The following APLF variants were observed in gnomAD, a reference collection of about 807,000 sequenced individuals.
APLF encodes aprataxin and PNK-like factor.
Under a neutral mutation model 55.6 loss-of-function variants are expected in APLF, and 61 were observed. That is an observed-to-expected ratio of 1.10 (90% confidence interval 0.89 to 1.36). APLF has a LOEUF of 1.36. APLF is among the 40% of genes most tolerant of loss of function. The probability of loss-of-function intolerance (pLI) is 0.00; values close to 1 mark genes in which losing one functional copy is unlikely to be tolerated. For synonymous variants in APLF, 207 were observed against 214.8 expected (o/e 0.96, Z 0.32); for missense variants, 611 against 602.5 (o/e 1.01, Z -0.15).
intron 5 of APLF, chr2:68,515,673 C>A: frequency 1.0e-6 from 1 of 982,994 alleles, no homozygotes. Flanking sequence ...TGGAATATCG[C>A]ATGTGTACAA....
chr2:68,545,918 A>T (rs1670690881), intron 8 of APLF, among the ~76,000 whole-genome samples: 1 of 152,186 alleles, frequency 6.6e-6, no homozygotes, highest in Admixed American at 6.5e-5. Flanking sequence ...AGATGAATGA[A>T]CTTGAAATGA....
At chr2:68,565,081 T>A (rs1273731702) in intron 8 of APLF, among the ~76,000 whole-genome samples, 3 of 152,056 alleles carry the variant, frequency 2.0e-5, no homozygotes, top group Non-Finnish European at 4.4e-5. Context: ...CAAATTTCCC[T>A]CATGACAAAA....
rs951420409 is a variant in APLF, at chr2:68,490,870, A to G, written c.168+609A>G. Among the ~76,000 whole-genome samples the G allele has an allele frequency of 3.3e-5, 5 of 152,210 alleles. No individual in the cohort carries two copies. In the East Asian group the frequency reaches 9.6e-4, roughly 29 times the overall value. On this transcript the variant is annotated intron_variant, in intron 2 of 9. Transcript: ENST00000303795. ...AGAGTCTATTGTGTAAGAGAATGAA[A>G]TACGTACATAAGGGTCCATTTATTT...
rs1670445175 is a variant in APLF at position 68,538,058 on chromosome 2, G to T, written c.991G>T (p.Ala331Ser). ...AMSCSENCSSAQGDSLQDESQ... is the reference protein window; with the variant it reads ...AMSCSENCSSSQGDSLQDESQ... ...GAGCTGTTCTGAAAATTGTTCGAGT[G>T]CCCAGGGCGACTCACTTCAGGATGA... is the stretch of plus-strand genomic sequence containing the variant. The change falls in exon 7 of 10, where the codon GCC (alanine) becomes TCC (serine). Residue 331 changes from alanine (A) to serine (S), a missense_variant. Coordinates refer to ENST00000303795, the MANE Select transcript of APLF (RefSeq NM_173545.3). 2 of 1,613,984 alleles carry T rather than the reference G, an allele frequency of 1.2e-6. No homozygotes were observed. The highest frequency in any genetic ancestry group is 1.3e-5 in the African/African-American group (1 of 74,914).
intron 2 of APLF, among the ~76,000 whole-genome samples, chr2:68,497,411 C>T (rs1259302979): frequency 6.6e-6 from 1 of 151,904 alleles, no homozygotes; most frequent in Non-Finnish European, 1.5e-5. Context: ...GTTCTCACGA[C>T]ATCTGGTTGT....
At chr2:68,525,971 A>T in intron 5 of APLF, 90 bp from the exon 6 acceptor site, 1 of 1,304,390 alleles carries the variant, frequency 7.7e-7, no homozygotes, top group Non-Finnish European at 1.0e-6. Flanking sequence ...GCTGGTCTCG[A>T]ATCCTTTTTC....
At chr2:68,472,669 G>T (rs1409822220) in intron 1 of APLF, among the ~76,000 whole-genome samples, 1 of 152,048 alleles carries the variant, frequency 6.6e-6, no homozygotes, top group Non-Finnish European at 1.5e-5. Flanking sequence ...TGGTGTGTTG[G>T]GACAGTTAGA....
chr2:68,525,380 G>C (rs976619357), intron 5 of APLF, among the ~76,000 whole-genome samples: 1 of 151,826 alleles, frequency 6.6e-6, no homozygotes, highest in Admixed American at 6.6e-5. Context: ...AAGTTCATTG[G>C]ATAGCTATAA....
intron 6 of APLF, among the ~76,000 whole-genome samples, chr2:68,537,394 T>C (rs72901973): frequency 0.078 from 11,729 of 150,404 alleles, 1,321 homozygotes; most frequent in African/African-American, 0.25. Flanking sequence ...TGAGATGGAG[T>C]CTTGTTCTTG....
At chr2:68,549,353 G>A (rs1399615060) in intron 8 of APLF, among the ~76,000 whole-genome samples, 1 of 152,134 alleles carries the variant, frequency 6.6e-6, no homozygotes, top group East Asian at 1.9e-4. Context: ...TAAAAATTGT[G>A]AAAGTTGCCT....
intron 8 of APLF, among the ~76,000 whole-genome samples, chr2:68,557,385 G>GTGC (rs1406248541): frequency 6.6e-6 from 1 of 152,152 alleles, no homozygotes; most frequent in Non-Finnish European, 1.5e-5. Context: ...GAATCTGCAG[G>GTGC]TGCTGAATCC....
chr2:68,475,162 A>G (rs1043429131), intron 1 of APLF, among the ~76,000 whole-genome samples: 6 of 152,168 alleles, frequency 3.9e-5, no homozygotes, highest in African/African-American at 1.4e-4. Flanking sequence ...CTTTAAACCC[A>G]CTTTTGTCTT....
At chr2:68,575,456 A>G (rs941619095) in intron 9 of APLF, among the ~76,000 whole-genome samples, 4 of 152,188 alleles carry the variant, frequency 2.6e-5, no homozygotes, top group Admixed American at 6.5e-5. Flanking sequence ...AGAGTGAGAC[A>G]GAAAGCTATT....
In APLF at chr2:68,578,600, T is replaced by G. The variant is rs1671684465; in HGVS notation, c.*578T>G. 1 of 985,232 alleles carries G rather than the reference T, an allele frequency of 1.0e-6. No individual in the cohort carries two copies. The highest frequency in any genetic ancestry group is 1.7e-5 in the African/African-American group (1 of 57,228). 61.0% of individuals were successfully genotyped at this position (985,232 alleles called of 1,614,324 possible). On this transcript the variant is annotated 3_prime_UTR_variant, in exon 10 of 10. Transcript: ENST00000303795. ...AATGGGTACTGAAAATAGATTCAAC[T>G]AGGCTGTAGAAGAGAAATGTTCACC...
chr2:68,561,987 T>TGTAA (rs1296387174), intron 8 of APLF, among the ~76,000 whole-genome samples: 1 of 152,022 alleles, frequency 6.6e-6, no homozygotes, highest in African/African-American at 2.4e-5. Context: ...ATGGAATCCA[T>TGTAA]GTAAGTGTCC....
At chr2:68,567,681 C>T (rs1053612724) in intron 9 of APLF, among the ~76,000 whole-genome samples, 13 of 152,058 alleles carry the variant, frequency 8.5e-5, no homozygotes, top group Non-Finnish European at 1.6e-4. Context: ...TAATTGACTT[C>T]TGTAACTAAA....
rs183491023 is a variant in APLF, at chr2:68,527,940, C to T, written c.804+1698C>T. Among the ~76,000 whole-genome samples the T allele has an allele frequency of 8.9e-5, 13 of 146,316 alleles. No individual in the cohort carries two copies. In the East Asian group the frequency reaches 2.3e-3, roughly 26 times the overall value. Reference sequence around the variant, plus strand: ...GGCACTCCTCACTGCCCAGACGGGGCAGGGCCCGGGCAGAGGCGCCCTTCA... The same window carrying T: ...GGCACTCCTCACTGCCCAGACGGGGTAGGGCCCGGGCAGAGGCGCCCTTCA... On this transcript the variant is annotated intron_variant, in intron 6 of 9. Transcript: ENST00000303795.
chr2:68,510,208 A>G (rs748515563), intron 3 of APLF, among the ~76,000 whole-genome samples: 11 of 152,006 alleles, frequency 7.2e-5, no homozygotes, highest in Non-Finnish European at 1.3e-4. Flanking sequence ...CCTAGAACTT[A>G]AAGTATAATA....
At chr2:68,488,006 A>G (rs920633484) in intron 1 of APLF, among the ~76,000 whole-genome samples, 3 of 148,422 alleles carry the variant, frequency 2.0e-5, no homozygotes, top group East Asian at 1.9e-4. Flanking sequence ...TTATCTTCGT[A>G]GTGTCAGTGA....
Sources: gnomAD v4.1 joint callset for allele counts (sites outside exome capture counted in the v4.1 genomes callset) on GRCh38, gnomAD v4.1.1 for gene constraint, MANE v1.5 for transcripts, NCBI Gene and HGNC (gene_info 2026-07-23, HGNC 2026-07-21) for gene names.